The following CYP4F12 variants were observed in gnomAD, a reference collection of about 807,000 sequenced individuals.
CYP4F12 encodes the protein cytochrome P450 family 4 subfamily F member 12, also known as cytochrome P450 4F12.
A neutral mutation model predicts 56.5 loss-of-function variants in CYP4F12; 60 were observed. The ratio of observed to expected loss-of-function variants is 1.06; its 90% CI spans 0.86 to 1.32. CYP4F12 has a LOEUF of 1.32. CYP4F12 is among the 40% of genes most tolerant of loss of function. The pLI, the probability that CYP4F12 is intolerant of heterozygous loss-of-function variation, is 0.00. For synonymous variants in CYP4F12, 263 were observed against 264.9 expected, an observed-to-expected ratio of 0.99 and a Z score of 0.07; for missense variants, 711 against 683.5, an observed-to-expected ratio of 1.04 and a Z score of -0.45.
chr19:15,694,495 G>A (rs537153888), intron 9 of CYP4F12, among the ~76,000 whole-genome samples: 20 of 151,198 alleles, frequency 1.3e-4, no homozygotes, highest in African/African-American at 4.1e-4. Context: ...CTGTTTGTCT[G>A]TTATTGGTGT....
intron 2 of CYP4F12, among the ~76,000 whole-genome samples, chr19:15,675,739 C>T (rs1188414472): frequency 4.6e-5 from 7 of 152,220 alleles, no homozygotes; most frequent in Admixed American, 2.0e-4. Context: ...AATCCAGACA[C>T]GCTGCTCACT....
At chr19:15,688,486 C>T (rs2007725790) in intron 9 of CYP4F12, among the ~76,000 whole-genome samples, 1 of 152,118 alleles carries the variant, frequency 6.6e-6, no homozygotes, top group Non-Finnish European at 1.5e-5. Context: ...AAAACACATC[C>T]CATGTTCATG....
intron 3 of CYP4F12, chr19:15,678,659 C>A (rs1388211800): frequency 6.4e-6 from 3 of 467,832 alleles, no homozygotes; most frequent in Non-Finnish European, 1.2e-5. Context: ...ACATTTCCAG[C>A]CTCATAGGGT....
rs1257786772 is a variant in CYP4F12 at position 15,680,235 on chromosome 19, T to C, written c.344-9T>C. On this transcript the variant is annotated splice_polypyrimidine_tract_variant and intron_variant, in intron 3 of 12. Transcript: ENST00000550308. ...CTACATGGCCCCTGATGGTCCTCGT[T>C]CATGTCAGCTGCCATTGCACCCAAG... 5.6e-6 allele frequency: 9 copies of C among 1,594,102 alleles called. No individual in the cohort carries two copies. Among genetic ancestry groups the C allele is most frequent in the Non-Finnish European group, 7.7e-6 (9 of 1,170,208 alleles).
intron 9 of CYP4F12, among the ~76,000 whole-genome samples, chr19:15,693,461 T>C (rs1408434992): frequency 6.6e-6 from 1 of 152,196 alleles, no homozygotes; most frequent in Admixed American, 6.5e-5. Flanking sequence ...TGCCTGACTC[T>C]CGTGTTTTTT....
chr19:15,694,195 C>G (rs2008013933), intron 9 of CYP4F12, among the ~76,000 whole-genome samples: 2 of 142,096 alleles, frequency 1.4e-5, no homozygotes, highest in Admixed American at 6.9e-5. Flanking sequence ...GCCATATGAA[C>G]TTTAAAGTAG....
At chr19:15,684,922 C>A (rs750931709) in intron 8 of CYP4F12, 40 bp downstream of exon 8, 4 of 1,571,050 alleles carry the variant, frequency 2.5e-6, no homozygotes, top group Non-Finnish European at 3.5e-6. Flanking sequence ...AGACAGAGGT[C>A]CCTCCATCTC....
At chr19:15,673,469 T>C (rs115890005) in intron 1 of CYP4F12, 60 bp from the exon 2 acceptor site, 16 of 1,526,942 alleles carry the variant, frequency 1.0e-5, no homozygotes, top group Admixed American at 5.1e-5. Context: ...CCCTATACAC[T>C]GTCCCCGGAG....
chr19:15,694,974 C>T (rs201000624), intron 9 of CYP4F12, among the ~76,000 whole-genome samples: 1 of 152,106 alleles, frequency 6.6e-6, no homozygotes, highest in Non-Finnish European at 1.5e-5. Flanking sequence ...ACTAGAAATA[C>T]CATTTGACCC....
chr19:15,678,207 T>C, intron 2 of CYP4F12, 54 bp from the exon 3 acceptor site: 4 of 1,610,262 alleles, frequency 2.5e-6, no homozygotes, highest in Non-Finnish European at 3.4e-6. Flanking sequence ...CCCAGTCTAG[T>C]GGACACCTAA....
At position 15,686,996 on chromosome 19, in the gene CYP4F12, TA is replaced by T. The variant is rs1334388628; in HGVS notation, c.1115+1804del. 5.9e-5 allele frequency among the ~76,000 whole-genome samples: 9 copies of T among 152,318 alleles called. 1 individual carries two copies. Among genetic ancestry groups the T allele is most frequent in the Admixed American group, 4.6e-4 (7 of 15,302 alleles). On this transcript the variant is annotated intron_variant, in intron 9 of 12. Transcript: ENST00000550308. ...CAAAAAAAAGTGTCTAAAACATTTA[TA>T]AAAATGAGCTTTCCTCATGCCTGTA...
intron 2 of CYP4F12, among the ~76,000 whole-genome samples, chr19:15,677,787 C>A (rs1364923168): frequency 6.6e-6 from 1 of 151,876 alleles, no homozygotes; most frequent in African/African-American, 2.4e-5. Flanking sequence ...CTCATTCCTT[C>A]CTCTCCTCAC....
intron 2 of CYP4F12, among the ~76,000 whole-genome samples, chr19:15,676,776 T>C (rs62639409): frequency 0.018 from 118 of 6,484 alleles, no homozygotes; most frequent in Middle Eastern, 0.083. Context: ...CTCACTCATT[T>C]CTCTCCTCAC....
In CYP4F12 at chr19:15,693,656, G is replaced by T. The variant is rs1353833134; in HGVS notation, c.1116-2280G>T. On this transcript the variant is annotated intron_variant, in intron 9 of 12. Coordinates refer to ENST00000550308, the MANE Select transcript of CYP4F12 (RefSeq NM_023944.4). ...TGTACGTTGCCTGTTCACTCTGATGGTAGTTTCTTTTGCTGTGCAGAAGCT... is the reference window on the plus strand; with the variant it reads ...TGTACGTTGCCTGTTCACTCTGATGTTAGTTTCTTTTGCTGTGCAGAAGCT... Among the ~76,000 whole-genome samples the T allele has an allele frequency of 8.0e-5, 12 of 150,598 alleles. No homozygotes were observed. In the South Asian group the frequency reaches 2.5e-3, roughly 32 times the overall value.
intron 2 of CYP4F12, among the ~76,000 whole-genome samples, chr19:15,675,839 G>A (rs1279731028): frequency 2.0e-5 from 3 of 152,142 alleles, no homozygotes; most frequent in Admixed American, 1.3e-4. Flanking sequence ...CCCTAGAAAC[G>A]GAATCTCCTT....
chr19:15,685,545 G>T (rs1457866649), intron 9 of CYP4F12, among the ~76,000 whole-genome samples: 1 of 152,290 alleles, frequency 6.6e-6, no homozygotes, highest in South Asian at 2.1e-4. Context: ...TTGCTCAGGT[G>T]GGGAGGGAGA....
intron 2 of CYP4F12, among the ~76,000 whole-genome samples, chr19:15,674,840 C>T (rs1170647866): frequency 2.0e-5 from 3 of 152,196 alleles, no homozygotes; most frequent in Admixed American, 2.0e-4. Context: ...CCGTAGTGCC[C>T]CTCCCAGAGG....
chr19:15,676,343 A>C (rs1395397796), intron 2 of CYP4F12, among the ~76,000 whole-genome samples: 1 of 129,520 alleles, frequency 7.7e-6, no homozygotes, highest in African/African-American at 2.8e-5. Context: ...TCACTCACTC[A>C]TTCTAATACC....
intron 6 of CYP4F12, among the ~76,000 whole-genome samples, chr19:15,682,826 T>C (rs758011730): frequency 2.6e-5 from 4 of 152,140 alleles, no homozygotes; most frequent in African/African-American, 4.8e-5. Flanking sequence ...CAGAGACCTT[T>C]TGTAGTTTCA....
Sources: allele counts gnomAD v4.1 joint callset (sites outside exome capture counted in the v4.1 genomes callset), GRCh38; gene constraint gnomAD v4.1.1; transcripts MANE v1.5; gene names NCBI Gene and HGNC (gene_info 2026-07-23, HGNC 2026-07-21).